Variants in MAF observed in about 807,000 individuals in gnomAD.
MAF encodes transcription factor Maf.
Under a neutral mutation model 22.0 loss-of-function variants are expected in MAF, and 10 were observed. That is an observed-to-expected ratio of 0.45 (90% CI 0.28 to 0.77). MAF has a LOEUF of 0.77. Among genes scored for constraint, MAF ranks in the 30% least tolerant of loss-of-function variants. The pLI, the probability that MAF is intolerant of heterozygous loss-of-function variation, is 0.12. For missense variants in MAF, 544 were observed against 548.4 expected (o/e 0.99, Z 0.08); for synonymous variants, 337 against 255.8 (o/e 1.32, Z -3.03).
chr16:79,211,701 C>T, the MAF span: 8 of 1,614,244 alleles, frequency 5.0e-6, no homozygotes, highest in East Asian at 1.6e-4. Flanking sequence ...CCGCTGCATG[C>T]CCTCACCAGA....
chr16:79,571,093 A>T, the MAF span, among the ~76,000 whole-genome samples: 1 of 150,246 alleles, frequency 6.7e-6, no homozygotes, highest in Non-Finnish European at 1.5e-5. Flanking sequence ...CACCCTGAGG[A>T]ATCCCCACAT....
At chr16:79,541,559 C>T in the MAF span, among the ~76,000 whole-genome samples, 192 of 151,766 alleles carry the variant, frequency 1.3e-3, 1 homozygote, top group African/African-American at 4.1e-3. Flanking sequence ...TAGGACAATA[C>T]GTAATATGGC....
chr16:79,569,058 G>GGATCTCA, the MAF span, among the ~76,000 whole-genome samples: 1 of 152,172 alleles, frequency 6.6e-6, no homozygotes, highest in African/African-American at 2.4e-5. Flanking sequence ...AGTCCCTGCA[G>GGATCTCA]GATCTCATTC....
At chr16:79,453,731 C>A in the MAF span, among the ~76,000 whole-genome samples, 1 of 152,188 alleles carries the variant, frequency 6.6e-6, no homozygotes, top group Admixed American at 6.5e-5. Context: ...ATTTGAACAG[C>A]ACCAATAGAA....
the MAF span, among the ~76,000 whole-genome samples, chr16:79,338,298 C>T: frequency 1.3e-5 from 2 of 152,174 alleles, no homozygotes; most frequent in Admixed American, 1.3e-4. Flanking sequence ...GGCTAAATCA[C>T]AGATGACTTT....
At position 79,598,770 on chromosome 16, in the gene MAF, G is replaced by C. The variant is rs779817513; in HGVS notation, c.1118+15C>G. The C allele has an allele frequency of 1.5e-5, 25 of 1,613,658 alleles. No individual in the cohort carries two copies. Among genetic ancestry groups the C allele is most frequent in the South Asian group, 1.2e-4 (11 of 91,040 alleles). On this transcript the variant is annotated intron_variant, in intron 1 of 1. Transcript: ENST00000326043. ...CTTATCAGGGTGGCTAGCTGGAATC[G>C]CGTGTCAGACTCACATGAAAAACTC...
At chr16:79,380,491 G>A in the MAF span, among the ~76,000 whole-genome samples, 1 of 152,186 alleles carries the variant, frequency 6.6e-6, no homozygotes, top group African/African-American at 2.4e-5. Flanking sequence ...GAGGAAAAGT[G>A]AAAACTCAGA....
chr16:79,251,463 C>G, the MAF span, among the ~76,000 whole-genome samples: 2 of 151,938 alleles, frequency 1.3e-5, no homozygotes, highest in African/African-American at 4.8e-5. Context: ...TTACAGGCAC[C>G]TGCCACCACA....
the MAF span, among the ~76,000 whole-genome samples, chr16:79,475,533 T>C: frequency 2.0e-5 from 3 of 152,260 alleles, no homozygotes; most frequent in African/African-American, 7.2e-5. Context: ...TCGATCTATC[T>C]ATCCATCTGT....
the MAF span, among the ~76,000 whole-genome samples, chr16:79,227,974 GCTTA>G: frequency 6.6e-6 from 1 of 152,084 alleles, no homozygotes; most frequent in African/African-American, 2.4e-5. Flanking sequence ...CACAATTATA[GCTTA>G]CTGTTACCTT....
chr16:79,278,667 TG>T, the MAF span, among the ~76,000 whole-genome samples: 1 of 151,940 alleles, frequency 6.6e-6, no homozygotes, highest in Non-Finnish European at 1.5e-5. Context: ...TGGGGTTTCG[TG>T]GGTAGAAGGC....
the MAF span, among the ~76,000 whole-genome samples, chr16:79,411,901 T>C: frequency 6.6e-6 from 1 of 150,860 alleles, no homozygotes; most frequent in Non-Finnish European, 1.5e-5. Context: ...TAAAAACATA[T>C]GTAGTAGGGT....
the MAF span, among the ~76,000 whole-genome samples, chr16:79,543,332 C>T: frequency 1.3e-3 from 204 of 152,294 alleles, 2 homozygotes; most frequent in African/African-American, 4.0e-3. Context: ...CGGTCAGACA[C>T]CATGACCCTG....
chr16:79,346,308 A>G, the MAF span, among the ~76,000 whole-genome samples: 269 of 152,062 alleles, frequency 1.8e-3, 5 homozygotes, highest in Middle Eastern at 6.8e-3. Flanking sequence ...TAGTTTGCTG[A>G]GAATGATGGT....
the MAF span, among the ~76,000 whole-genome samples, chr16:79,559,369 C>G: frequency 6.6e-6 from 1 of 152,170 alleles, no homozygotes; most frequent in Non-Finnish European, 1.5e-5. Context: ...ATGTGTATCT[C>G]TATGTAAATT....
chr16:79,212,162 C>A, the MAF span: 2 of 1,494,818 alleles, frequency 1.3e-6, no homozygotes, highest in South Asian at 2.6e-5. Context: ...CAGCTACCAC[C>A]ACGGCCACCA....
At chr16:79,483,252 TCCCCCGTCCCTC>T in the MAF span, among the ~76,000 whole-genome samples, 1 of 17,488 alleles carries the variant, frequency 5.7e-5, no homozygotes, top group African/African-American at 2.8e-4. Flanking sequence ...TCCTCTCCCC[TCCCCCGTCCCTC>T]CCTATCTCCT....
the MAF span, among the ~76,000 whole-genome samples, chr16:79,379,258 ACT>A: frequency 2.6e-5 from 4 of 152,218 alleles, no homozygotes; most frequent in African/African-American, 9.6e-5. Context: ...GTTGAAAAGA[ACT>A]CTGAGTGTCG....
chr16:79,333,338 C>T, the MAF span, among the ~76,000 whole-genome samples: 1 of 152,280 alleles, frequency 6.6e-6, no homozygotes, highest in East Asian at 1.9e-4. Context: ...GAATCCTACT[C>T]TCTCTGCCTG....
Sources: gnomAD v4.1 joint callset for allele counts (sites outside exome capture counted in the v4.1 genomes callset) on GRCh38, gnomAD v4.1.1 for gene constraint, MANE v1.5 for transcripts, NCBI Gene and HGNC (gene_info 2026-07-23, HGNC 2026-07-21) for gene names.